RPS2: variants seen among roughly 807,000 people sequenced by gnomAD.
The protein encoded by RPS2 is small ribosomal subunit protein uS5.
A neutral mutation model predicts 25.3 loss-of-function variants in RPS2; 8 were observed. The ratio of observed to expected loss-of-function variants is 0.32; its 90% CI spans 0.19 to 0.57. The LOEUF is 0.57. Among genes scored for constraint, RPS2 ranks in the 20% least tolerant of loss-of-function variants. The pLI is 0.90. For missense variants in RPS2, 229 were observed against 408.1 expected (o/e 0.56, Z 3.78); for synonymous variants, 181 against 161.3 (o/e 1.12, Z -0.92).
At chr16:1,962,992 G>C (rs1228560811) in intron 4 of RPS2, 83 bp from the exon 5 acceptor site, 5 of 1,497,898 alleles carry the variant, frequency 3.3e-6, no homozygotes, top group South Asian at 2.2e-5. Context: ...ACCCCTCAAG[G>C]AAAGAGAGGC....
chr16:1,963,564 C>T (rs114416186), intron 3 of RPS2: 4 of 356,140 alleles, frequency 1.1e-5, no homozygotes, highest in African/African-American at 4.3e-5. Context: ...TGCAGTGAGC[C>T]GAGATCACGC....
intron 3 of RPS2, chr16:1,963,695 G>C (rs1045481279): frequency 2.5e-6 from 1 of 405,310 alleles, no homozygotes; most frequent in Non-Finnish European, 5.0e-6. Flanking sequence ...GTTTTTGGAA[G>C]CTTGTATGTA....
intron 3 of RPS2, 168 bp downstream of exon 3, chr16:1,964,108 A>G (rs936734968): frequency 2.1e-5 from 13 of 613,402 alleles, no homozygotes; most frequent in Non-Finnish European, 3.5e-5. Context: ...GTATCCATCC[A>G]ACCTCTAAGT....
Position 1,964,593 on chromosome 16 carries a change from G to C in RPS2, c.33C>G (p.Pro11=). 1 of 1,540,630 alleles carries C rather than the reference G, an allele frequency of 6.5e-7. No individual in the cohort carries two copies. Among genetic ancestry groups the C allele is most frequent in the Non-Finnish European group, 8.7e-7 (1 of 1,149,202 alleles). ...CCATCCCAGGGCCACCAGGGCCCCCGGGCCCCCCCGCTGCACCGGCGTCAT... is the reference window on the plus strand; with the variant it reads ...CCATCCCAGGGCCACCAGGGCCCCCCGGCCCCCCCGCTGCACCGGCGTCAT... MADDAGAAGG[P]GGPGGPGMGN... is the part of the protein sequence containing the mutation. The change falls in exon 2 of 7, where the codon CCC becomes CCG. Residue 11 remains proline (P), a synonymous_variant. Transcript: ENST00000343262.
chr16:1,964,482 G>GCGGCCT lies in RPS2; in HGVS notation c.138_143dup (p.Arg48_Gly49dup). 2 of 1,608,212 alleles carry GCGGCCT rather than the reference G, an allele frequency of 1.2e-6. No homozygotes were observed. The highest frequency in any genetic ancestry group is 1.7e-6 in the Non-Finnish European group (2 of 1,178,480). On this transcript the variant is annotated inframe_insertion, in exon 2 of 7. Transcript: ENST00000343262. ...CCTCGGCCTTGCCTCCGCGAGCTCCGCGGCCTCGGCCCCGGCCCCGTCCAC... is the reference window on the plus strand; with the variant it reads ...CCTCGGCCTTGCCTCCGCGAGCTCCGCGGCCTCGGCCTCGGCCCCGGCCCCGTCCAC...
chr16:1,964,434 G>A lies in RPS2; in HGVS notation c.177+15C>T. On this transcript the variant is annotated intron_variant, in intron 2 of 6. Transcript: ENST00000343262. Reference sequence around the variant, plus strand: ...GCCGCCCAGGGGCCCGACCCCGAGCGTGGCTGATACCTACCTCCTTATCCT... The same window carrying A: ...GCCGCCCAGGGGCCCGACCCCGAGCATGGCTGATACCTACCTCCTTATCCT... The A allele has an allele frequency of 5.0e-6, 8 of 1,612,406 alleles. No homozygotes were observed. Among genetic ancestry groups the A allele is most frequent in the African/African-American group, 1.3e-5 (1 of 75,036 alleles).
At chr16:1,963,089 A>G in intron 4 of RPS2, 60 bp downstream of exon 4, 1 of 1,435,298 alleles carries the variant, frequency 7.0e-7, no homozygotes. Flanking sequence ...AAGTGCAACT[A>G]TGCAGAGCCG....
chr16:1,963,142 C>G lies in RPS2; in HGVS notation c.375+7G>C. 6.2e-7 allele frequency: 1 copy of G among 1,605,316 alleles called. No homozygotes were observed. The highest frequency in any genetic ancestry group is 8.5e-7 in the Non-Finnish European group (1 of 1,173,540). ...CCAGCGCAGCCCCCTCCAGGACAGC[C>G]GGGTACCTTGAACCTGGTGCGCTGG... is the stretch of plus-strand genomic sequence containing the variant. On this transcript the variant is annotated splice_region_variant and intron_variant, in intron 4 of 6. Transcript: ENST00000343262.
At chr16:1,962,325 C>T (rs779651365) in intron 6 of RPS2, 55 bp from the exon 7 acceptor site, 2 of 1,544,852 alleles carry the variant, frequency 1.3e-6, no homozygotes, top group Non-Finnish European at 1.8e-6. Flanking sequence ...GCAAGTCCCC[C>T]AACCCAAAAA....
intron 4 of RPS2, 69 bp downstream of exon 4, chr16:1,963,080 A>T: frequency 7.1e-7 from 1 of 1,409,840 alleles, no homozygotes. Context: ...GGTGAAGCCA[A>T]GTGCAACTAT....
intron 3 of RPS2, chr16:1,963,990 G>A (rs997700394): frequency 1.3e-5 from 6 of 457,458 alleles, no homozygotes; most frequent in Non-Finnish European, 2.0e-5. Flanking sequence ...TCATCCTCTC[G>A]GATGGCATGA....
At chr16:1,963,585 G>A (rs1273712906) in intron 3 of RPS2, 2 of 355,700 alleles carry the variant, frequency 5.6e-6, no homozygotes, top group Non-Finnish European at 1.1e-5. Flanking sequence ...CAGCCTAGGC[G>A]ATAGGGCGAA....
In RPS2 at chr16:1,964,816, C is replaced by T. The variant is rs1332305874; in HGVS notation, c.-13G>A. On this transcript the variant is annotated 5_prime_UTR_variant, in exon 1 of 7. Coordinates refer to ENST00000343262, the MANE Select transcript of RPS2 (RefSeq NM_002952.4). Reference sequence around the variant, plus strand: ...GACCAACAGGACTCACGTGTTTTGTCGGAAAAGAAGAACGAGACCTACTGG... The same window carrying T: ...GACCAACAGGACTCACGTGTTTTGTTGGAAAAGAAGAACGAGACCTACTGG... 3.7e-6 allele frequency: 2 copies of T among 535,836 alleles called. No individual in the cohort carries two copies. The highest frequency in any genetic ancestry group is 2.6e-5 in the South Asian group (1 of 38,450). The allele number at this position is 535,836 out of a possible 1,614,324, so 33.2% of individuals were successfully genotyped here. A position where few individuals can be genotyped will look rare whatever the true frequency, so the allele number is the denominator to read the frequency against.
chr16:1,963,747 G>A (rs534087265), intron 3 of RPS2: 2 of 449,302 alleles, frequency 4.5e-6, no homozygotes, highest in African/African-American at 2.0e-5. Context: ...CTTCCTATTT[G>A]CCCTTTTTCT....
chr16:1,964,157 C>G, intron 3 of RPS2, 119 bp downstream of exon 3: 1 of 769,124 alleles, frequency 1.3e-6, no homozygotes, highest in Non-Finnish European at 2.2e-6. Flanking sequence ...ACAACCTCAA[C>G]CTCTCACGCG....
intron 3 of RPS2, chr16:1,964,045 G>C: frequency 1.8e-6 from 1 of 563,796 alleles, no homozygotes; most frequent in South Asian, 2.1e-5. Context: ...TGAATTCGCT[G>C]CGAATGTGGG....
chr16:1,962,315 G>T (rs750058201), intron 6 of RPS2, 45 bp from the exon 7 acceptor site: 1 of 1,575,042 alleles, frequency 6.3e-7, no homozygotes, highest in Non-Finnish European at 8.7e-7. Context: ...TGTGCTTGAG[G>T]CAAGTCCCCC....
chr16:1,964,823 G>A lies in RPS2; in HGVS notation c.-20C>T, dbSNP rs1035175016. 8.6e-5 allele frequency: 46 copies of A among 537,388 alleles called. No individual in the cohort carries two copies. Among genetic ancestry groups the A allele is most frequent in the Admixed American group, 7.6e-4 (20 of 26,168 alleles). The allele number at this position is 537,388 out of a possible 1,614,324, so 33.3% of individuals were successfully genotyped here. On this transcript the variant is annotated 5_prime_UTR_variant, in exon 1 of 7. Coordinates refer to ENST00000343262, the MANE Select transcript of RPS2 (RefSeq NM_002952.4). Reference sequence around the variant, plus strand: ...AGGACTCACGTGTTTTGTCGGAAAAGAAGAACGAGACCTACTGGGAAGCAG... The same window carrying A: ...AGGACTCACGTGTTTTGTCGGAAAAAAAGAACGAGACCTACTGGGAAGCAG...
intron 3 of RPS2, 175 bp downstream of exon 3, chr16:1,964,101 T>G: frequency 1.7e-6 from 1 of 604,308 alleles, no homozygotes. Flanking sequence ...CGCTCAGGTA[T>G]CCATCCAACC....
Sources: gnomAD v4.1 joint callset for allele counts on GRCh38, gnomAD v4.1.1 for gene constraint, MANE v1.5 for transcripts, NCBI Gene and HGNC (gene_info 2026-07-23, HGNC 2026-07-21) for gene names.